Variants in OXSM observed in about 807,000 individuals in gnomAD.
The protein encoded by OXSM is 3-oxoacyl-ACP synthase, mitochondrial, also known as 3-oxoacyl-[acyl-carrier-protein] synthase, mitochondrial.
A neutral mutation model predicts 29.2 loss-of-function variants in OXSM; 19 were observed. The ratio of observed to expected loss-of-function variants is 0.65; its 90% confidence interval spans 0.45 to 0.96. The LOEUF (loss-of-function observed/expected upper bound fraction) is 0.96, where lower values mean the gene tolerates loss of function less well. OXSM is among the 40% of genes least tolerant of loss of function. The probability of loss-of-function intolerance (pLI) is 0.00; values close to 1 mark genes in which losing one functional copy is unlikely to be tolerated. For missense variants in OXSM, 554 were observed against 551.3 expected, an observed-to-expected ratio of 1.00 and a Z score of -0.05; for synonymous variants, 178 against 197.1, an observed-to-expected ratio of 0.90 and a Z score of 0.81.
At position 25,793,100 on chromosome 3, in the gene OXSM, A is replaced by G. The variant is rs144714235; in HGVS notation, c.978-992A>G. The stretch of plus-strand genomic sequence containing the variant: ...CATAGTTTACCTACCCCTAAATTAT[A>G]CATTTGAATTTTATTTTATTTGTTT... On this transcript the variant is annotated intron_variant, in intron 2 of 2. Transcript: ENST00000280701. Among the ~76,000 whole-genome samples, 671 of 151,530 alleles carry G rather than the reference A, an allele frequency of 4.4e-3. 1 individual carries two copies. Among genetic ancestry groups the G allele is most frequent in the Middle Eastern group, 0.024 (7 of 292 alleles).
Position 25,794,292 on chromosome 3 carries a change from T to A in OXSM, c.1178T>A (p.Val393Asp), listed in dbSNP as rs1708829268. 6.2e-7 allele frequency: 1 copy of A among 1,614,234 alleles called. No individual in the cohort carries two copies. The highest frequency in any genetic ancestry group is 8.5e-7 in the Non-Finnish European group (1 of 1,180,036). Residue 393 changes from valine (V) to aspartate (D), a missense_variant, in exon 3 of 3, where the codon GTC becomes GAC. Val to Asp is a radical substitution (Grantham distance 152). Transcript: ENST00000280701. Reference protein sequence around the residue: ...TGHLLGAAGAVEAAFTTLACY... With the variant: ...TGHLLGAAGADEAAFTTLACY... ...CATCTGCTGGGAGCTGCAGGGGCAG[T>A]CGAGGCAGCTTTTACCACATTAGCT... is the stretch of plus-strand genomic sequence containing the variant.
At position 25,794,475 on chromosome 3, in the gene OXSM, T is replaced by G; in HGVS notation, c.1361T>G (p.Leu454Arg). 2 of 1,606,822 alleles carry G rather than the reference T, an allele frequency of 1.2e-6. No homozygotes were observed. Among genetic ancestry groups the G allele is most frequent in the African/African-American group, 1.3e-5 (1 of 74,804 alleles). ...GGTTTTGGTGGTACTAATGCAACACTTTGTATTGCTGGACTGTAGAACATA... is the reference window on the plus strand; with the variant it reads ...GGTTTTGGTGGTACTAATGCAACACGTTGTATTGCTGGACTGTAGAACATA... Reference protein sequence around the residue: ...SFGFGGTNATLCIAGL With the variant: ...SFGFGGTNATRCIAGL The change falls in exon 3 of 3, where the codon CTT becomes CGT. Residue 454 changes from leucine to arginine, a missense_variant. Leu to Arg is a moderately radical substitution (Grantham distance 102, BLOSUM62 -2). Transcript: ENST00000280701.
In OXSM at chr3:25,791,611, A is replaced by C. The variant is rs770363947; in HGVS notation, c.591A>C (p.Lys197Asn). ...CAGGCCAGGTCAGCATTCGATATAA[A>C]CTCAAGGGCCCAAATCATGCAGTAT... is the stretch of plus-strand genomic sequence containing the variant. ...MAAGQVSIRY[K>N]LKGPNHAVST... The change falls in exon 2 of 3, where the codon AAA becomes AAC. Residue 197 changes from lysine (K) to asparagine (N), a missense_variant. Coordinates refer to ENST00000280701, the MANE Select transcript of OXSM (RefSeq NM_017897.3). 1 of 1,613,962 alleles carries C rather than the reference A, an allele frequency of 6.2e-7. No homozygotes were observed. The highest frequency in any genetic ancestry group is 1.3e-5 in the African/African-American group (1 of 74,886).
rs1708836582 is a variant in OXSM at position 25,794,511 on chromosome 3, TTAAA to T, written c.*20_*23del. The T allele has an allele frequency of 6.6e-7, 1 of 1,525,518 alleles. No homozygotes were observed. The highest frequency in any genetic ancestry group is 8.9e-7 in the Non-Finnish European group (1 of 1,124,936). 94.5% of individuals were successfully genotyped at this position (1,525,518 alleles called of 1,614,324 possible). A position where few individuals can be genotyped will look rare whatever the true frequency, so the allele number is the denominator to read the frequency against. The stretch of plus-strand genomic sequence containing the variant: ...GGACTGTAGAACATATAATTTGTAA[TTAAA>T]TACTGATTTTTAAATGCTATATGTG... On this transcript the variant is annotated 3_prime_UTR_variant, in exon 3 of 3. Coordinates refer to ENST00000280701, the MANE Select transcript of OXSM (RefSeq NM_017897.3).
Position 25,791,002 on chromosome 3 carries a change from G to C in OXSM, c.-19G>C, listed in dbSNP as rs1708731095. 1 of 1,598,658 alleles carries C rather than the reference G, an allele frequency of 6.3e-7. No homozygotes were observed. The highest frequency in any genetic ancestry group is 8.5e-7 in the Non-Finnish European group (1 of 1,170,778). On this transcript the variant is annotated 5_prime_UTR_variant, in exon 2 of 3. It removes the in-frame stop codon of an upstream open reading frame in the 5' UTR. Coordinates refer to ENST00000280701, the MANE Select transcript of OXSM (RefSeq NM_017897.3). ...TGGTCTTTTACAGGAATGTGTTTCTGATCATCTGAATCTTAATCATGTCCA... is the reference window on the plus strand; with the variant it reads ...TGGTCTTTTACAGGAATGTGTTTCTCATCATCTGAATCTTAATCATGTCCA...
chr3:25,793,761 A>C (rs1708815945), intron 2 of OXSM, among the ~76,000 whole-genome samples: 1 of 152,246 alleles, frequency 6.6e-6, no homozygotes, highest in Non-Finnish European at 1.5e-5. Flanking sequence ...TCTAGTCTTG[A>C]GTCAACATGG....
At position 25,790,157 on chromosome 3, in the gene OXSM, G is replaced by A; in HGVS notation, c.-32+10G>A. 2.0e-6 allele frequency: 1 copy of A among 501,688 alleles called. No individual in the cohort carries two copies. The highest frequency in any genetic ancestry group is 3.7e-5 in the Admixed American group (1 of 26,810). 31.1% of individuals were successfully genotyped at this position (501,688 alleles called of 1,614,324 possible). ...GGTAGCCCCGTTACAGGTATCGCTGGCTACCCTCCTCCTTCGCCCCTCCTT... is the reference window on the plus strand; with the variant it reads ...GGTAGCCCCGTTACAGGTATCGCTGACTACCCTCCTCCTTCGCCCCTCCTT... On this transcript the variant is annotated intron_variant, in intron 1 of 2. Transcript: ENST00000280701.
At chr3:25,794,054 A>G (rs1559569700) in intron 2 of OXSM, 38 bp from the exon 3 acceptor site, 4 of 1,546,838 alleles carry the variant, frequency 2.6e-6, no homozygotes, top group Non-Finnish European at 3.5e-6. Context: ...GTTAAAATTA[A>G]ACTTAGTCCT....
intron 1 of OXSM, 111 bp downstream of exon 1, chr3:25,790,258 TTCTCTC>T: frequency 5.7e-6 from 2 of 349,084 alleles, no homozygotes; most frequent in Non-Finnish European, 1.1e-5. Flanking sequence ...TGATTTCTTT[TTCTCTC>T]GCCATGCTTC....
Position 25,794,466 on chromosome 3 carries a change from A to C in OXSM, c.1352A>C (p.Asn451Thr), listed in dbSNP as rs1342070600. 2 of 1,611,894 alleles carry C rather than the reference A, an allele frequency of 1.2e-6. No homozygotes were observed. ...LTNSFGFGGT[N>T]ATLCIAGL is the part of the protein sequence containing the mutation. ...AATTCCTTTGGTTTTGGTGGTACTA[A>C]TGCAACACTTTGTATTGCTGGACTG... Residue 451 changes from asparagine to threonine, a missense_variant, in exon 3 of 3, where the codon AAT becomes ACT. Coordinates refer to ENST00000280701, the MANE Select transcript of OXSM (RefSeq NM_017897.3).
chr3:25,794,382 A>G lies in OXSM; in HGVS notation c.1268A>G (p.Asn423Ser), dbSNP rs201000794. Residue 423 changes from asparagine to serine, a missense_variant, in exon 3 of 3, where the codon AAC becomes AGC. Physicochemically the swap from Asn to Ser is conservative, Grantham distance 46. Transcript: ENST00000280701. The part of the protein sequence containing the change: ...LDCSEPEFDL[N>S]YVPLKAQEWK... ...TGTTCGGAACCAGAATTTGATCTCAACTATGTTCCACTAAAGGCACAGGAA... is the reference window on the plus strand; with the variant it reads ...TGTTCGGAACCAGAATTTGATCTCAGCTATGTTCCACTAAAGGCACAGGAA... 1.3e-5 allele frequency: 21 copies of G among 1,614,190 alleles called. No homozygotes were observed. In the African/African-American group the frequency reaches 1.6e-4, roughly 12 times the overall value.
chr3:25,794,362 G>A lies in OXSM; in HGVS notation c.1248G>A (p.Ser416=), dbSNP rs370003373. 23 of 1,614,018 alleles carry A rather than the reference G, an allele frequency of 1.4e-5. No individual in the cohort carries two copies. The East Asian group carries it at 1.6e-4, about 11-fold the overall frequency. ...CACCTACTTTAAACCTGGATTGTTC[G>A]GAACCAGAATTTGATCTCAACTATG... The part of the protein sequence containing the change: ...KLPPTLNLDC[S]EPEFDLNYVP... The change falls in exon 3 of 3, where the codon TCG becomes TCA. Residue 416 remains serine (S), a synonymous_variant. Coordinates refer to ENST00000280701, the MANE Select transcript of OXSM (RefSeq NM_017897.3).
Position 25,791,357 on chromosome 3 carries a change from A to G in OXSM, c.337A>G (p.Lys113Glu). ...EQNFVSKSDI[K>E]SMSSPTIMAI... is the part of the protein sequence containing the mutation. ...AAACTTTGTGTCCAAATCAGATATC[A>G]AGTCCATGTCTTCTCCCACCATCAT... is the stretch of plus-strand genomic sequence containing the variant. Residue 113 changes from lysine (K) to glutamate (E), a missense_variant, in exon 2 of 3, where the codon AAG becomes GAG. Coordinates refer to ENST00000280701, the MANE Select transcript of OXSM (RefSeq NM_017897.3). The G allele has an allele frequency of 6.2e-7, 1 of 1,614,196 alleles. No individual in the cohort carries two copies. Among genetic ancestry groups the G allele is most frequent in the Non-Finnish European group, 8.5e-7 (1 of 1,180,030 alleles).
intron 1 of OXSM, 88 bp from the exon 2 acceptor site, chr3:25,790,902 G>C: frequency 1.1e-6 from 1 of 884,586 alleles, no homozygotes; most frequent in Non-Finnish European, 1.8e-6. Flanking sequence ...CTCATATCAA[G>C]CACCCAAAGG....
In OXSM at chr3:25,791,576, A is replaced by G. The variant is rs1423366382; in HGVS notation, c.556A>G (p.Asn186Asp). 1.9e-6 allele frequency: 3 copies of G among 1,614,240 alleles called. No individual in the cohort carries two copies. ...SPFFVPKILVNMAAGQVSIRY... is the reference protein window; with the variant it reads ...SPFFVPKILVDMAAGQVSIRY... The stretch of plus-strand genomic sequence containing the variant: ...ATTTTTTGTCCCTAAGATTCTGGTC[A>G]ATATGGCAGCAGGCCAGGTCAGCAT... Residue 186 changes from asparagine to aspartate, a missense_variant, in exon 2 of 3, where the codon AAT becomes GAT. Transcript: ENST00000280701.
rs367729315 is a variant in OXSM at position 25,791,708 on chromosome 3, G to A, written c.688G>A (p.Val230Met). 7.1e-5 allele frequency: 114 copies of A among 1,614,076 alleles called. No homozygotes were observed. The highest frequency in any genetic ancestry group is 9.3e-5 in the Non-Finnish European group (110 of 1,180,024). Residue 230 changes from valine to methionine, a missense_variant, in exon 2 of 3, where the codon GTG becomes ATG. By Grantham distance (21) the Val-to-Met change is conservative. Coordinates refer to ENST00000280701, the MANE Select transcript of OXSM (RefSeq NM_017897.3). ...FRFIAHGDADVMVAGGTDSCI... is the reference protein window; with the variant it reads ...FRFIAHGDADMMVAGGTDSCI... ...ATTTATAGCCCATGGTGATGCTGAT[G>A]TGATGGTGGCTGGAGGTACAGATTC...
In OXSM at chr3:25,790,125, T is replaced by A; in HGVS notation, c.-54T>A. The stretch of plus-strand genomic sequence containing the variant: ...GTCATCGCCCCCGACTGTGGAGAAG[T>A]GTCCGGGGTAGCCCCGTTACAGGTA... On this transcript the variant is annotated 5_prime_UTR_variant, in exon 1 of 3. Coordinates refer to ENST00000280701, the MANE Select transcript of OXSM (RefSeq NM_017897.3). 1 of 550,084 alleles carries A rather than the reference T, an allele frequency of 1.8e-6. No homozygotes were observed. Among genetic ancestry groups the A allele is most frequent in the Non-Finnish European group, 3.2e-6 (1 of 309,560 alleles). The allele number at this position is 550,084 out of a possible 1,614,324, so 34.1% of individuals were successfully genotyped here. A position where few individuals can be genotyped will look rare whatever the true frequency, so the allele number is the denominator to read the frequency against.
chr3:25,791,562 C>G lies in OXSM; in HGVS notation c.542C>G (p.Pro181Arg). 1 of 1,613,858 alleles carries G rather than the reference C, an allele frequency of 6.2e-7. No homozygotes were observed. Among genetic ancestry groups the G allele is most frequent in the Non-Finnish European group, 8.5e-7 (1 of 1,179,918 alleles). Residue 181 changes from proline to arginine, a missense_variant, in exon 2 of 3, where the codon CCT becomes CGT. Transcript: ENST00000280701. ...GYNKVSPFFV[P>R]KILVNMAAGQ... Reference sequence around the variant, plus strand: ...AATAAAGTTAGCCCATTTTTTGTCCCTAAGATTCTGGTCAATATGGCAGCA... The same window carrying G: ...AATAAAGTTAGCCCATTTTTTGTCCGTAAGATTCTGGTCAATATGGCAGCA...
intron 2 of OXSM, among the ~76,000 whole-genome samples, chr3:25,793,024 A>G (rs186078001): frequency 4.6e-5 from 7 of 152,370 alleles, no homozygotes; most frequent in Admixed American, 2.0e-4. Context: ...ATGTGTGGGC[A>G]TGAATGTGTT....
Sources: allele counts gnomAD v4.1 joint callset (sites outside exome capture counted in the v4.1 genomes callset), GRCh38; gene constraint gnomAD v4.1.1; transcripts MANE v1.5; gene names NCBI Gene and HGNC (gene_info 2026-07-23, HGNC 2026-07-21).